Variants in CACYBP observed in about 807,000 individuals in gnomAD.
CACYBP encodes the protein calcyclin-binding protein.
A neutral mutation model predicts 29.6 loss-of-function variants in CACYBP; 11 were observed. The observed-to-expected ratio is 0.37, with a 90% CI of 0.23 to 0.61. The LOEUF is 0.61. Among genes scored for constraint, CACYBP ranks in the 20% least tolerant of loss-of-function variants. CACYBP has a pLI of 0.65. For synonymous variants in CACYBP, 73 were observed against 88.3 expected, an observed-to-expected ratio of 0.83 and a Z score of 0.97; for missense variants, 163 against 260.7, an observed-to-expected ratio of 0.63 and a Z score of 2.58.
chr1:175,006,931 T>G (rs1672633535), intron 3 of CACYBP, 90 bp downstream of exon 3: 1 of 905,874 alleles, frequency 1.1e-6, no homozygotes, highest in Non-Finnish European at 1.8e-6. Context: ...TTTAAAATTC[T>G]TAAATTTAGA....
At chr1:175,007,359 GTGT>G (rs1400289443) in intron 4 of CACYBP, among the ~76,000 whole-genome samples, 162 bp downstream of exon 4, 2 of 152,190 alleles carry the variant, frequency 1.3e-5, no homozygotes, top group African/African-American at 4.8e-5. Flanking sequence ...ATTTGTTCAT[GTGT>G]TGTTTGTGGA....
At chr1:175,009,348 G>T (rs142208744) in intron 5 of CACYBP, among the ~76,000 whole-genome samples, 3 of 151,964 alleles carry the variant, frequency 2.0e-5, no homozygotes, top group African/African-American at 7.2e-5. Flanking sequence ...TATTTTACCT[G>T]TCAAAAATCA....
Position 175,009,931 on chromosome 1 carries a change from C to T in CACYBP, c.539C>T (p.Ser180Phe). The T allele has an allele frequency of 6.2e-7, 1 of 1,609,540 alleles. No individual in the cohort carries two copies. The highest frequency in any genetic ancestry group is 8.5e-7 in the Non-Finnish European group (1 of 1,178,086). ...EKECKEKEKP[S>F]YDTETDPSEG... ...ATGTTTTCTTTTTAAAGGAAGCCCT[C>T]CTATGACACTGAAACAGATCCTAGT... The change falls in exon 6 of 6, where the codon TCC becomes TTC. Residue 180 changes from serine to phenylalanine, a missense_variant. Transcript: ENST00000367679.
chr1:175,007,865 A>G (rs1672655312), intron 4 of CACYBP, among the ~76,000 whole-genome samples: 1 of 152,208 alleles, frequency 6.6e-6, no homozygotes. Context: ...ACTAAATCAG[A>G]TAGTCCCTGT....
At chr1:175,008,171 G>A (rs941896457) in intron 4 of CACYBP, among the ~76,000 whole-genome samples, 4 of 151,728 alleles carry the variant, frequency 2.6e-5, no homozygotes, top group East Asian at 3.9e-4. Flanking sequence ...GCCTATCCCC[G>A]ACCCCTCTTA....
intron 2 of CACYBP, among the ~76,000 whole-genome samples, chr1:175,006,044 A>G (rs1453944634): frequency 6.6e-6 from 1 of 152,188 alleles, no homozygotes; most frequent in Non-Finnish European, 1.5e-5. Flanking sequence ...ATGTATGTAT[A>G]TATTCTTGAT....
At chr1:175,004,046 AT>A (rs570731617) in intron 1 of CACYBP, among the ~76,000 whole-genome samples, 2,365 of 149,398 alleles carry the variant, frequency 0.016, 26 homozygotes, top group Middle Eastern at 0.048. Context: ...AAAAGCAGAA[AT>A]TTTTTTTTTT....
chr1:175,000,341 C>G lies in CACYBP; in HGVS notation c.15+146C>G, dbSNP rs954074155. ...AGTGCGCCGCCTTCCCGGGGGACAC[C>G]TCACTCGCCCCTTGCTGCGCCGTCG... On this transcript the variant is annotated intron_variant, in intron 1 of 5. Transcript: ENST00000367679. The G allele has an allele frequency of 5.5e-6, 8 of 1,444,758 alleles. No homozygotes were observed. In the African/African-American group the frequency reaches 6.0e-5, roughly 11 times the overall value. 89.5% of individuals were successfully genotyped at this position (1,444,758 alleles called of 1,614,324 possible).
rs1574109524 is a variant in CACYBP at position 175,006,273 on chromosome 1, G to A, written c.236-472G>A. Among the ~76,000 whole-genome samples, 7 of 152,206 alleles carry A rather than the reference G, an allele frequency of 4.6e-5. 1 individual carries two copies. Among genetic ancestry groups the A allele is most frequent in the Admixed American group, 4.6e-4 (7 of 15,286 alleles). ...AGTCTTTTACATTCTACTTTGCCCT[G>A]GAAAGGAATTAAGAGAGCTAGGATT... On this transcript the variant is annotated intron_variant, in intron 2 of 5. Coordinates refer to ENST00000367679, the MANE Select transcript of CACYBP (RefSeq NM_014412.3).
chr1:174,999,890 C>T, upstream of CACYBP: 1 of 405,308 alleles, frequency 2.5e-6, no homozygotes, highest in Non-Finnish European at 4.1e-6. Flanking sequence ...CTCGGCGGGG[C>T]GGGGAGGGGT....
chr1:175,005,113 G>A, intron 2 of CACYBP: 1 of 393,604 alleles, frequency 2.5e-6, no homozygotes, highest in Non-Finnish European at 4.7e-6. Flanking sequence ...GGTGGTGGTG[G>A]TGGTGGTGGT....
In CACYBP at chr1:175,006,792, G is replaced by A. The variant is rs752436527; in HGVS notation, c.283G>A (p.Gly95Arg). 8.1e-6 allele frequency: 13 copies of A among 1,605,658 alleles called. No homozygotes were observed. The African/African-American group carries it at 1.3e-4, about 17-fold the overall frequency. The part of the protein sequence containing the change: ...KFVKIYITLT[G>R]VHQVPTENVQ... ...TGTGAAAATCTACATTACCTTAACTGGAGTTCATCAAGTTCCCACTGAGAA... is the reference window on the plus strand; with the variant it reads ...TGTGAAAATCTACATTACCTTAACTAGAGTTCATCAAGTTCCCACTGAGAA... Residue 95 changes from glycine (G) to arginine (R), a missense_variant, in exon 3 of 6, where the codon GGA becomes AGA. Transcript: ENST00000367679.
At position 175,010,746 on chromosome 1, in the gene CACYBP, A is replaced by G. The variant is rs939893458; in HGVS notation, c.*667A>G. ...AAAAGTAATAACCATAAAGCAAAAA[A>G]TAATTTGAAAGCCCGTCTATTCCTA... On this transcript the variant is annotated 3_prime_UTR_variant, in exon 6 of 6. Coordinates refer to ENST00000367679, the MANE Select transcript of CACYBP (RefSeq NM_014412.3). The G allele has an allele frequency of 1.3e-5, 2 of 152,226 alleles. No homozygotes were observed. Among genetic ancestry groups the G allele is most frequent in the Admixed American group, 1.3e-4 (2 of 15,282 alleles). The allele number at this position is 152,226 out of a possible 1,614,324, so 9.4% of individuals were successfully genotyped here. A position where few individuals can be genotyped will look rare whatever the true frequency, so the allele number is the denominator to read the frequency against.
At chr1:175,004,147 A>G (rs1672559170) in intron 1 of CACYBP, among the ~76,000 whole-genome samples, 1 of 152,180 alleles carries the variant, frequency 6.6e-6, no homozygotes, top group Admixed American at 6.5e-5. Context: ...AAAGTGGAGC[A>G]TTCATTACCT....
chr1:175,000,527 TG>T (rs1353600990), intron 1 of CACYBP: 32 of 1,244,238 alleles, frequency 2.6e-5, no homozygotes, highest in Non-Finnish European at 2.3e-5. Flanking sequence ...TCCCAGCCAG[TG>T]GACAGGAAGC....
At chr1:175,003,938 A>T (rs1483227525) in intron 1 of CACYBP, among the ~76,000 whole-genome samples, 3 of 152,232 alleles carry the variant, frequency 2.0e-5, no homozygotes, top group Non-Finnish European at 4.4e-5. Flanking sequence ...AATTTCCAAG[A>T]GTATGTTGCA....
chr1:175,007,753 C>T (rs61828156), intron 4 of CACYBP, among the ~76,000 whole-genome samples: 13,555 of 152,146 alleles, frequency 0.089, 818 homozygotes, highest in East Asian at 0.23. Context: ...GCATAATACT[C>T]GTATACATAA....
chr1:175,006,399 A>T (rs1672620324), intron 2 of CACYBP, among the ~76,000 whole-genome samples: 1 of 152,230 alleles, frequency 6.6e-6, no homozygotes, highest in South Asian at 2.1e-4. Flanking sequence ...TAGATGTCGG[A>T]CAAAATTGTT....
intron 5 of CACYBP, 85 bp from the exon 6 acceptor site, chr1:175,009,838 A>G (rs1672705987): frequency 1.5e-5 from 15 of 1,024,070 alleles, no homozygotes; most frequent in Admixed American, 2.4e-5. Context: ...TTATCCCTCT[A>G]CTTCCTGCCA....
Sources: gnomAD v4.1 joint callset for allele counts (sites outside exome capture counted in the v4.1 genomes callset) on GRCh38, gnomAD v4.1.1 for gene constraint, MANE v1.5 for transcripts, NCBI Gene and HGNC (gene_info 2026-07-23, HGNC 2026-07-21) for gene names.